KIF21A: variants seen among roughly 807,000 people sequenced by gnomAD.
The protein encoded by KIF21A is kinesin family member 21A.
In KIF21A, 114 loss-of-function variants were observed where a neutral mutation model predicts 202.9. The observed-to-expected ratio is 0.56, with a 90% CI of 0.48 to 0.66. The LOEUF (loss-of-function observed/expected upper bound fraction) is 0.66. Ranked by LOEUF, KIF21A falls within the 30% of genes least tolerant of loss-of-function variation. The probability of loss-of-function intolerance (pLI) is 0.00; values close to 1 mark genes in which losing one functional copy is unlikely to be tolerated. For synonymous variants in KIF21A, 667 were observed against 670.8 expected (o/e 0.99, Z 0.09); for missense variants, 1,677 against 1,994.9 (o/e 0.84, Z 3.04).
At chr12:39,413,175 T>TA (rs554702803) in intron 1 of KIF21A, among the ~76,000 whole-genome samples, 2 of 152,162 alleles carry the variant, frequency 1.3e-5, no homozygotes, top group South Asian at 4.1e-4. Flanking sequence ...TTCTTCTTTA[T>TA]AAAAAAAAGA....
chr12:39,411,970 G>T (rs1393962610), intron 1 of KIF21A, among the ~76,000 whole-genome samples: 1 of 152,050 alleles, frequency 6.6e-6, no homozygotes, highest in African/African-American at 2.4e-5. Flanking sequence ...GAGTAGCTGG[G>T]ACTACAGGTG....
chr12:39,306,221 T>C (rs1943460505), intron 34 of KIF21A, among the ~76,000 whole-genome samples: 1 of 152,244 alleles, frequency 6.6e-6, no homozygotes, highest in Non-Finnish European at 1.5e-5. Flanking sequence ...TAGTAGCATC[T>C]TGCTGAAATC....
At chr12:39,294,679 T>A (rs1401344395) in intron 37 of KIF21A, among the ~76,000 whole-genome samples, 162 bp from the exon 38 acceptor site, 1 of 152,252 alleles carries the variant, frequency 6.6e-6, no homozygotes, top group Non-Finnish European at 1.5e-5. Context: ...CATACCTTAA[T>A]AATAACAGCT....
At chr12:39,441,054 A>G (rs957742132) in intron 1 of KIF21A, among the ~76,000 whole-genome samples, 1 of 151,932 alleles carries the variant, frequency 6.6e-6, no homozygotes, top group Non-Finnish European at 1.5e-5. Context: ...GAGAAAGAGA[A>G]AGGAAAGAAG....
chr12:39,418,082 C>T (rs1231306898), intron 1 of KIF21A, among the ~76,000 whole-genome samples: 1 of 151,802 alleles, frequency 6.6e-6, no homozygotes, highest in East Asian at 1.9e-4. Context: ...GTGGTGTATG[C>T]CTCTAGTCTC....
At chr12:39,304,973 T>C in intron 34 of KIF21A, 35 bp from the exon 35 acceptor site, 5 of 1,062,230 alleles carry the variant, frequency 4.7e-6, no homozygotes, top group Non-Finnish European at 7.2e-6. Context: ...TTGTTTAAAA[T>C]TATTTCTTAG....
chr12:39,380,514 A>G (rs1950547498), intron 1 of KIF21A, among the ~76,000 whole-genome samples: 1 of 152,170 alleles, frequency 6.6e-6, no homozygotes, highest in Admixed American at 6.5e-5. Context: ...GACTTTTATA[A>G]ATTCTTATAA....
chr12:39,358,810 T>C (rs952451099), intron 7 of KIF21A, among the ~76,000 whole-genome samples: 4 of 152,224 alleles, frequency 2.6e-5, no homozygotes, highest in Admixed American at 2.6e-4. Context: ...TCCAATCACA[T>C]TGAAACAAGA....
At chr12:39,414,772 TAG>T (rs142496693) in intron 1 of KIF21A, among the ~76,000 whole-genome samples, 3 of 152,162 alleles carry the variant, frequency 2.0e-5, no homozygotes. Flanking sequence ...AACAAAAATT[TAG>T]AGAGTCAATC....
chr12:39,341,201 T>G lies in KIF21A; in HGVS notation c.1922-107A>C, dbSNP rs1158823222. ...CATCAACTAGGTATTTTTATTCACT[T>G]AGTAGTTATTAGAAAAATTTCCTGG... On this transcript the variant is annotated intron_variant, in intron 14 of 37. Coordinates refer to ENST00000361418, the MANE Select transcript of KIF21A (RefSeq NM_001173464.2). 3 of 897,510 alleles carry G rather than the reference T, an allele frequency of 3.3e-6. No homozygotes were observed. The East Asian group carries it at 7.9e-5, about 24-fold the overall frequency. The allele number at this position is 897,510 out of a possible 1,614,324, so 55.6% of individuals were successfully genotyped here.
At chr12:39,364,627 G>A (rs1380590662) in intron 6 of KIF21A, among the ~76,000 whole-genome samples, 4 of 152,112 alleles carry the variant, frequency 2.6e-5, no homozygotes, top group Admixed American at 1.3e-4. Flanking sequence ...ATTAATGGGA[G>A]GAAAGCAGAC....
At chr12:39,319,748 G>A (rs905081891) in intron 28 of KIF21A, among the ~76,000 whole-genome samples, 158 bp downstream of exon 28, 3 of 151,768 alleles carry the variant, frequency 2.0e-5, no homozygotes, top group South Asian at 4.2e-4. Flanking sequence ...TTAGACCACC[G>A]AGCCAAGCCA....
intron 10 of KIF21A, among the ~76,000 whole-genome samples, chr12:39,354,289 GA>G (rs1948610782): frequency 6.6e-6 from 1 of 152,022 alleles, no homozygotes; most frequent in Non-Finnish European, 1.5e-5. Context: ...TTTTAACATT[GA>G]AAAATGTTCA....
rs546019229 is a variant in KIF21A at position 39,371,199 on chromosome 12, T to C, written c.45-938A>G. The stretch of plus-strand genomic sequence containing the variant: ...ATCCACAGTCAGTTGAATCTGTGGT[T>C]GTGGAACCCCTGAATATGGAGAGTT... On this transcript the variant is annotated intron_variant, in intron 1 of 37. Coordinates refer to ENST00000361418, the MANE Select transcript of KIF21A (RefSeq NM_001173464.2). Among the ~76,000 whole-genome samples, 8 of 152,308 alleles carry C rather than the reference T, an allele frequency of 5.3e-5. No homozygotes were observed. The East Asian group carries it at 1.5e-3, about 29-fold the overall frequency.
chr12:39,345,742 T>A (rs906025598), intron 12 of KIF21A, among the ~76,000 whole-genome samples: 6 of 151,960 alleles, frequency 3.9e-5, no homozygotes, highest in Non-Finnish European at 8.8e-5. Flanking sequence ...AGAAAACTTC[T>A]GATAAGAAGG....
At chr12:39,439,769 C>T (rs1274360115) in intron 1 of KIF21A, among the ~76,000 whole-genome samples, 1 of 152,150 alleles carries the variant, frequency 6.6e-6, no homozygotes, top group African/African-American at 2.4e-5. Flanking sequence ...CTCAAATATA[C>T]TGTAAAAAGG....
Position 39,429,746 on chromosome 12 carries a change from T to G in KIF21A, c.44+13181A>C, listed in dbSNP as rs117463377. On this transcript the variant is annotated intron_variant, in intron 1 of 37. Transcript: ENST00000361418. ...CAAAGAAATTAACCCTATCTTAAGG[T>G]GATTTTGAAAGAAATTATGGTTAGT... 3.4e-3 allele frequency among the ~76,000 whole-genome samples: 525 copies of G among 152,202 alleles called. 2 individuals carry two copies. Among genetic ancestry groups the G allele is most frequent in the Middle Eastern group, 0.014 (4 of 294 alleles).
Position 39,361,795 on chromosome 12 carries a change from T to C in KIF21A, c.1019+1303A>G, listed in dbSNP as rs187983753. Among the ~76,000 whole-genome samples, 11 of 152,240 alleles carry C rather than the reference T, an allele frequency of 7.2e-5. No individual in the cohort carries two copies. The East Asian group carries it at 1.4e-3, about 19-fold the overall frequency. On this transcript the variant is annotated intron_variant, in intron 7 of 37. Transcript: ENST00000361418. ...TGCTGGGATCACAGGCATGAGCCACTGCGCCCGGCCAAAACAGAACTTTAT... is the reference window on the plus strand; with the variant it reads ...TGCTGGGATCACAGGCATGAGCCACCGCGCCCGGCCAAAACAGAACTTTAT...
intron 1 of KIF21A, among the ~76,000 whole-genome samples, chr12:39,374,470 A>T (rs922379420): frequency 7.2e-5 from 11 of 152,182 alleles, no homozygotes; most frequent in Non-Finnish European, 1.2e-4. Flanking sequence ...GTAGATTTTT[A>T]AAAATGTATT....
Sources: allele counts gnomAD v4.1 joint callset (sites outside exome capture counted in the v4.1 genomes callset), GRCh38; gene constraint gnomAD v4.1.1; transcripts MANE v1.5; gene names NCBI Gene and HGNC (gene_info 2026-07-23, HGNC 2026-07-21).